DTWD2: variants seen among roughly 807,000 people sequenced by gnomAD.
DTWD2 encodes the protein DTW motif tRNA-uridine aminocarboxypropyltransferase 2.
A neutral mutation model predicts 31.8 loss-of-function variants in DTWD2; 39 were observed. The observed-to-expected ratio is 1.22, with a 90% CI of 0.95 to 1.60. The LOEUF (loss-of-function observed/expected upper bound fraction) is 1.60, where lower values mean the gene tolerates loss of function less well. Among genes scored for constraint, DTWD2 ranks in the 40% most tolerant of loss-of-function variants. The probability of loss-of-function intolerance (pLI) is 0.00; values close to 1 mark genes in which losing one functional copy is unlikely to be tolerated. For synonymous variants in DTWD2, 180 were observed against 142.8 expected, an observed-to-expected ratio of 1.26 and a Z score of -1.86; for missense variants, 515 against 381.5, an observed-to-expected ratio of 1.35 and a Z score of -2.92.
intron 1 of DTWD2, among the ~76,000 whole-genome samples, chr5:118,953,046 G>A (rs1474936672): frequency 6.6e-6 from 1 of 152,150 alleles, no homozygotes. Context: ...CCCTAGTACA[G>A]TGATTCCCAA....
At chr5:118,936,225 T>C (rs953591309) in intron 3 of DTWD2, among the ~76,000 whole-genome samples, 1 of 152,120 alleles carries the variant, frequency 6.6e-6, no homozygotes, top group Non-Finnish European at 1.5e-5. Flanking sequence ...ATTGGTGGGA[T>C]ATATAAAGCA....
At chr5:118,857,492 T>C (rs1379517632) in intron 4 of DTWD2, among the ~76,000 whole-genome samples, 1 of 152,226 alleles carries the variant, frequency 6.6e-6, no homozygotes, top group East Asian at 1.9e-4. Flanking sequence ...TTTAAGTCTT[T>C]TACCCATTTT....
intron 1 of DTWD2, among the ~76,000 whole-genome samples, chr5:118,960,140 G>C (rs1754674877): frequency 6.6e-6 from 1 of 152,084 alleles, no homozygotes; most frequent in Non-Finnish European, 1.5e-5. Flanking sequence ...CTTATCAACA[G>C]AGTAAACAGA....
At chr5:118,970,898 C>G (rs1754969627) in intron 1 of DTWD2, among the ~76,000 whole-genome samples, 2 of 152,032 alleles carry the variant, frequency 1.3e-5, no homozygotes, top group East Asian at 1.9e-4. Context: ...GCTTAATAAG[C>G]AAGGGAGAAA....
chr5:118,848,314 C>T, intron 4 of DTWD2, 96 bp from the exon 5 acceptor site: 1 of 1,161,960 alleles, frequency 8.6e-7, no homozygotes, highest in Non-Finnish European at 1.2e-6. Flanking sequence ...TCCAAAACTG[C>T]CAGCAGCTTA....
intron 1 of DTWD2, chr5:118,974,208 G>A (rs1755072310): frequency 2.3e-6 from 3 of 1,312,220 alleles, no homozygotes; most frequent in African/African-American, 1.5e-5. Flanking sequence ...GAATCTAAAC[G>A]TGGTCACCTT....
intron 3 of DTWD2, among the ~76,000 whole-genome samples, chr5:118,934,927 T>C (rs1754003989): frequency 6.6e-6 from 1 of 152,170 alleles, no homozygotes; most frequent in Non-Finnish European, 1.5e-5. Flanking sequence ...TTCTTTCCGT[T>C]TCCTGGAATA....
chr5:118,934,839 C>T (rs80313816), intron 3 of DTWD2, among the ~76,000 whole-genome samples: 3,736 of 152,216 alleles, frequency 0.025, 163 homozygotes, highest in African/African-American at 0.084. Context: ...AGCACCCACA[C>T]ATAGTAGACT....
chr5:118,915,653 C>T (rs1230850726), intron 4 of DTWD2, among the ~76,000 whole-genome samples: 1 of 152,134 alleles, frequency 6.6e-6, no homozygotes, highest in East Asian at 1.9e-4. Context: ...GGATTACAGG[C>T]GTGAGCCACT....
chr5:118,899,447 G>C lies in DTWD2; in HGVS notation c.597+29090C>G, dbSNP rs190301904. Among the ~76,000 whole-genome samples, 287 of 152,186 alleles carry C rather than the reference G, an allele frequency of 1.9e-3. 1 individual carries two copies. The highest frequency in any genetic ancestry group is 6.7e-3 in the African/African-American group (277 of 41,524). On this transcript the variant is annotated intron_variant, in intron 4 of 5. Coordinates refer to ENST00000510708, the MANE Select transcript of DTWD2 (RefSeq NM_173666.4). ...GTATTTTCCCTAGAGACAATGGTTC[G>C]GTATTCACTAACTCAGTGTTCACAG...
intron 4 of DTWD2, among the ~76,000 whole-genome samples, chr5:118,892,419 G>A (rs1752994800): frequency 6.6e-6 from 1 of 152,060 alleles, no homozygotes; most frequent in Non-Finnish European, 1.5e-5. Context: ...AACTATGCCT[G>A]TTCACAGTAA....
chr5:118,841,100 A>C lies in DTWD2; in HGVS notation c.727-13T>G, dbSNP rs766559356. 4.4e-6 allele frequency: 7 copies of C among 1,593,998 alleles called. No homozygotes were observed. In the South Asian group the frequency reaches 7.9e-5, roughly 18 times the overall value. ...GGCGAAGCAAAGTCTGTCAAGAGAA[A>C]AAAGACACTAAAAAAGTATCTGTGA... On this transcript the variant is annotated splice_polypyrimidine_tract_variant and intron_variant, in intron 5 of 5. Transcript: ENST00000510708.
intron 1 of DTWD2, among the ~76,000 whole-genome samples, chr5:118,947,380 C>T (rs914941216): frequency 6.6e-6 from 1 of 152,070 alleles, no homozygotes; most frequent in East Asian, 1.9e-4. Context: ...TGGCTCTAAG[C>T]GGGAAGGAGA....
At chr5:118,981,273 G>A (rs563533113) in intron 1 of DTWD2, among the ~76,000 whole-genome samples, 10 of 152,240 alleles carry the variant, frequency 6.6e-5, no homozygotes, top group East Asian at 5.8e-4. Flanking sequence ...CATTTACATC[G>A]TGGTGATGGC....
At chr5:118,924,227 G>C (rs184679609) in intron 4 of DTWD2, among the ~76,000 whole-genome samples, 2 of 152,226 alleles carry the variant, frequency 1.3e-5, no homozygotes, top group Non-Finnish European at 2.9e-5. Flanking sequence ...GTATCTCCTA[G>C]CAGGAGGATA....
chr5:118,931,274 G>A (rs1753916765), intron 3 of DTWD2, among the ~76,000 whole-genome samples: 1 of 151,656 alleles, frequency 6.6e-6, no homozygotes, highest in East Asian at 1.9e-4. Flanking sequence ...GTGCACCTAT[G>A]GTCCCAGCTA....
chr5:118,924,511 C>T (rs559463770), intron 4 of DTWD2, among the ~76,000 whole-genome samples: 2 of 152,188 alleles, frequency 1.3e-5, no homozygotes, highest in Non-Finnish European at 2.9e-5. Context: ...AGGCAGGCCC[C>T]TAGGAAAGCC....
chr5:118,988,136 G>C, intron 1 of DTWD2, 158 bp downstream of exon 1: 1 of 863,974 alleles, frequency 1.2e-6, no homozygotes, highest in Non-Finnish European at 1.9e-6. Flanking sequence ...TTACTAGGTA[G>C]CTGTGCCTGG....
In DTWD2 at chr5:118,988,351, C is replaced by G; in HGVS notation, c.161G>C (p.Gly54Ala). The change falls in exon 1 of 6, where the codon GGG becomes GCG. Residue 54 changes from glycine (G) to alanine (A), a missense_variant. By Grantham distance (60) the Gly-to-Ala change is moderately conservative. Coordinates refer to ENST00000510708, the MANE Select transcript of DTWD2 (RefSeq NM_173666.4). ...GAEADDDSAD[G>A]LWELPVEPAE... ...CGGCTCCACCGGCAGCTCCCACAGC[C>G]CGTCCGCACTGTCGTCGTCCGCCTC... 1 of 1,560,886 alleles carries G rather than the reference C, an allele frequency of 6.4e-7. No individual in the cohort carries two copies. Among genetic ancestry groups the G allele is most frequent in the Non-Finnish European group, 8.7e-7 (1 of 1,155,772 alleles).
Sources: gnomAD v4.1 joint callset for allele counts (sites outside exome capture counted in the v4.1 genomes callset) on GRCh38, gnomAD v4.1.1 for gene constraint, MANE v1.5 for transcripts, NCBI Gene and HGNC (gene_info 2026-07-23, HGNC 2026-07-21) for gene names.